SNTG1: variants seen among roughly 807,000 people sequenced by gnomAD.
SNTG1 encodes gamma-1-syntrophin.
In SNTG1, 39 loss-of-function variants were observed where a neutral mutation model predicts 74.7. The observed-to-expected ratio is 0.52, with a 90% CI of 0.40 to 0.68. The LOEUF (loss-of-function observed/expected upper bound fraction) is 0.68, where lower values mean the gene tolerates loss of function less well. Among genes scored for constraint, SNTG1 ranks in the 30% least tolerant of loss-of-function variants. The pLI is 0.00. For missense variants in SNTG1, 685 were observed against 609.5 expected (o/e 1.12, Z -1.30); for synonymous variants, 254 against 217.1 (o/e 1.17, Z -1.49).
chr8:50,167,987 T>C lies in SNTG1; in HGVS notation c.-102-4574T>C, dbSNP rs187128080. Among the ~76,000 whole-genome samples, 694 of 152,230 alleles carry C rather than the reference T, an allele frequency of 4.6e-3. 6 individuals carry two copies. Among genetic ancestry groups the C allele is most frequent in the African/African-American group, 0.016 (659 of 41,556 alleles). ...GTATTATTTTAAAATACATGATTAC[T>C]TAATGAAGGAATCTAAATTTTAACT... On this transcript the variant is annotated intron_variant, in intron 1 of 18. Coordinates refer to ENST00000642720, the MANE Select transcript of SNTG1 (RefSeq NM_018967.5).
chr8:50,209,026 C>T (rs1436076353), intron 2 of SNTG1, among the ~76,000 whole-genome samples: 1 of 152,062 alleles, frequency 6.6e-6, no homozygotes, highest in Non-Finnish European at 1.5e-5. Context: ...TCGGTACATT[C>T]CCACCACTTT....
At chr8:49,962,661 C>T (rs563979808) in intron 1 of SNTG1, among the ~76,000 whole-genome samples, 16 of 152,132 alleles carry the variant, frequency 1.1e-4, no homozygotes, top group African/African-American at 3.4e-4. Flanking sequence ...AGTGATGTGA[C>T]CTCAACTCAC....
intron 1 of SNTG1, among the ~76,000 whole-genome samples, chr8:50,107,032 TGAA>T (rs1284025869): frequency 1.3e-5 from 2 of 152,300 alleles, no homozygotes; most frequent in East Asian, 3.9e-4. Context: ...AATGAGCAAC[TGAA>T]GCTCCAGGGT....
At chr8:50,470,864 G>A (rs921015475) in intron 8 of SNTG1, among the ~76,000 whole-genome samples, 17 of 152,252 alleles carry the variant, frequency 1.1e-4, no homozygotes, top group African/African-American at 2.9e-4. Flanking sequence ...GGTGGCCGGC[G>A]TTTATTCCCT....
intron 1 of SNTG1, among the ~76,000 whole-genome samples, chr8:50,058,969 A>T (rs1820253117): frequency 1.3e-5 from 2 of 152,098 alleles, no homozygotes; most frequent in South Asian, 4.1e-4. Context: ...TTGTCATTTC[A>T]AGAATGTTGT....
intron 1 of SNTG1, among the ~76,000 whole-genome samples, chr8:50,107,742 G>T (rs2080432798): frequency 6.6e-6 from 1 of 151,774 alleles, no homozygotes; most frequent in Admixed American, 6.6e-5. Context: ...GTAGAGACGG[G>T]GTTTTACCAT....
chr8:50,128,875 G>T (rs2081227980), intron 1 of SNTG1, among the ~76,000 whole-genome samples: 1 of 151,836 alleles, frequency 6.6e-6, no homozygotes, highest in South Asian at 2.1e-4. Context: ...CTCATAATTT[G>T]GACATACAAA....
chr8:50,726,765 C>T (rs539784301), intron 17 of SNTG1, among the ~76,000 whole-genome samples: 20 of 152,138 alleles, frequency 1.3e-4, no homozygotes, highest in East Asian at 1.2e-3. Flanking sequence ...GGGAGAAAGG[C>T]GTGAAACCAG....
intron 1 of SNTG1, among the ~76,000 whole-genome samples, chr8:49,989,751 G>T (rs1425213847): frequency 6.6e-6 from 1 of 151,842 alleles, no homozygotes; most frequent in Non-Finnish European, 1.5e-5. Context: ...TATGCATCAT[G>T]AACATGTTTG....
In SNTG1 at chr8:50,247,587, C is replaced by A. The variant is rs1391332138; in HGVS notation, c.-28+74952C>A. 2.0e-5 allele frequency among the ~76,000 whole-genome samples: 3 copies of A among 152,148 alleles called. No individual in the cohort carries two copies. The East Asian group carries it at 5.8e-4, about 29-fold the overall frequency. On this transcript the variant is annotated intron_variant, in intron 2 of 18. Coordinates refer to ENST00000642720, the MANE Select transcript of SNTG1 (RefSeq NM_018967.5). ...GTGGCATGATCATAGTTTAATGTAA[C>A]CTCAAACTCCTGGGTTCTGGTAGTC...
intron 2 of SNTG1, among the ~76,000 whole-genome samples, chr8:50,371,942 G>A (rs1209305489): frequency 6.6e-6 from 1 of 151,960 alleles, no homozygotes; most frequent in East Asian, 1.9e-4. Flanking sequence ...TCCTGTAGAC[G>A]GCATGTAGTT....
chr8:50,283,958 A>C (rs145646722), intron 2 of SNTG1, among the ~76,000 whole-genome samples: 181 of 152,258 alleles, frequency 1.2e-3, no homozygotes, highest in African/African-American at 3.9e-3. Flanking sequence ...TAAAATTACT[A>C]TAAATTGTTG....
chr8:50,248,894 TA>T (rs1447539157), intron 2 of SNTG1, among the ~76,000 whole-genome samples: 1 of 152,178 alleles, frequency 6.6e-6, no homozygotes, highest in African/African-American at 2.4e-5. Context: ...ATAATTTGGC[TA>T]AATATCCTGC....
chr8:50,236,372 C>T (rs1369669706), intron 2 of SNTG1, among the ~76,000 whole-genome samples: 5 of 151,746 alleles, frequency 3.3e-5, no homozygotes, highest in African/African-American at 7.3e-5. Flanking sequence ...GGTATGATTC[C>T]GGTGCATCAT....
chr8:50,277,557 T>C (rs1383913828), intron 2 of SNTG1, among the ~76,000 whole-genome samples: 2 of 152,142 alleles, frequency 1.3e-5, no homozygotes, highest in African/African-American at 4.8e-5. Flanking sequence ...TGGCTGATAG[T>C]TGTTATAAAA....
intron 1 of SNTG1, among the ~76,000 whole-genome samples, chr8:50,048,634 A>G (rs921435451): frequency 6.6e-6 from 1 of 152,186 alleles, no homozygotes; most frequent in African/African-American, 2.4e-5. Flanking sequence ...GAAGGTGAGA[A>G]AACTCTAGTT....
At chr8:50,257,792 C>A (rs1188364426) in intron 2 of SNTG1, among the ~76,000 whole-genome samples, 1 of 152,176 alleles carries the variant, frequency 6.6e-6, no homozygotes, top group Non-Finnish European at 1.5e-5. Context: ...GACAAAATAA[C>A]CCTACTGCCG....
At chr8:50,733,446 C>T (rs985508014) in intron 17 of SNTG1, among the ~76,000 whole-genome samples, 1 of 151,924 alleles carries the variant, frequency 6.6e-6, no homozygotes. Context: ...GATATATACC[C>T]AGTAATGGGA....
intron 18 of SNTG1, among the ~76,000 whole-genome samples, chr8:50,778,309 A>G (rs998777856): frequency 6.6e-6 from 1 of 152,240 alleles, no homozygotes; most frequent in African/African-American, 2.4e-5. Flanking sequence ...ACTAGTTTAC[A>G]GTCCCACTGA....
Sources: allele counts gnomAD v4.1 joint callset (sites outside exome capture counted in the v4.1 genomes callset), GRCh38; gene constraint gnomAD v4.1.1; transcripts MANE v1.5; gene names NCBI Gene and HGNC (gene_info 2026-07-23, HGNC 2026-07-21).